Variants in RIMS2 observed in about 807,000 individuals in gnomAD.
The protein encoded by RIMS2 is regulating synaptic membrane exocytosis 2.
In RIMS2, 59 loss-of-function variants were observed where a neutral mutation model predicts 174.4. The ratio of observed to expected loss-of-function variants is 0.34; its 90% CI spans 0.27 to 0.42. The LOEUF is 0.42. Ranked by LOEUF, RIMS2 falls within the 10% of genes least tolerant of loss-of-function variation. RIMS2 has a pLI of 1.00. For missense variants in RIMS2, 1,620 were observed against 1,666.3 expected (o/e 0.97, Z 0.48); for synonymous variants, 606 against 572.5 (o/e 1.06, Z -0.84).
At chr8:103,762,567 G>A (rs1407992618) in intron 2 of RIMS2, among the ~76,000 whole-genome samples, 1 of 152,140 alleles carries the variant, frequency 6.6e-6, no homozygotes, top group Non-Finnish European at 1.5e-5. Context: ...CAACATATAT[G>A]TATTTGTGAG....
At chr8:104,179,454 T>C (rs563848902) in intron 19 of RIMS2, among the ~76,000 whole-genome samples, 57 of 152,070 alleles carry the variant, frequency 3.7e-4, no homozygotes, top group Admixed American at 1.8e-3. Flanking sequence ...TTCTGACCAG[T>C]CTTTACTAAT....
At chr8:103,761,159 ACCCACATTACTTC>A (rs1252210953) in intron 2 of RIMS2, among the ~76,000 whole-genome samples, 51 of 152,302 alleles carry the variant, frequency 3.3e-4, no homozygotes, top group African/African-American at 1.2e-3. Context: ...TTTCAAGCTA[ACCCACATTACTTC>A]ATGGAATGTG....
Position 103,700,313 on chromosome 8 carries a change from A to T in RIMS2, c.387+3017A>T, listed in dbSNP as rs560819803. ...TTTAACAGGCCTCTTTATCATTATT[A>T]AGTGATATTCTTTATTTTTGGTAAT... On this transcript the variant is annotated intron_variant, in intron 2 of 23. Transcript: ENST00000504942. Among the ~76,000 whole-genome samples the T allele has an allele frequency of 5.7e-4, 87 of 152,130 alleles. 1 individual carries two copies. Among genetic ancestry groups the T allele is most frequent in the Non-Finnish European group, 1.0e-3 (71 of 67,936 alleles).
At chr8:103,664,205 G>C (rs1040122947) in intron 1 of RIMS2, among the ~76,000 whole-genome samples, 2 of 152,164 alleles carry the variant, frequency 1.3e-5, no homozygotes, top group African/African-American at 4.8e-5. Flanking sequence ...ATACCATTCA[G>C]GACATAGGCA....
chr8:103,655,869 C>T lies in RIMS2; in HGVS notation c.177-41217C>T, dbSNP rs147149786. Among the ~76,000 whole-genome samples, 28 of 152,028 alleles carry T rather than the reference C, an allele frequency of 1.8e-4. No homozygotes were observed. In the East Asian group the frequency reaches 5.4e-3, roughly 29 times the overall value. On this transcript the variant is annotated intron_variant, in intron 1 of 23. Coordinates refer to ENST00000504942, the Ensembl canonical transcript of RIMS2. The stretch of plus-strand genomic sequence containing the variant: ...AATGATAAGGAGTTTGAATCTGAGT[C>T]TCAGTATACAGGGAAGATATTGAAG...
chr8:103,757,785 C>T (rs920894740), intron 2 of RIMS2, among the ~76,000 whole-genome samples: 2 of 152,094 alleles, frequency 1.3e-5, no homozygotes, highest in South Asian at 2.1e-4. Context: ...GAAGAGAAGG[C>T]GATGTGAAGA....
chr8:103,931,124 A>C (rs2079845418), intron 11 of RIMS2, 139 bp from the exon 14 acceptor site: 1 of 559,924 alleles, frequency 1.8e-6, no homozygotes. Context: ...CTTTTATTTT[A>C]ACTAGCCACA....
At chr8:103,987,929 T>G (rs2094465083) in intron 16 of RIMS2, among the ~76,000 whole-genome samples, 1 of 152,176 alleles carries the variant, frequency 6.6e-6, no homozygotes, top group South Asian at 2.1e-4. Flanking sequence ...GGTAAGGAAT[T>G]AATGAGAGAT....
At chr8:103,739,994 C>T (rs1426610832) in intron 2 of RIMS2, among the ~76,000 whole-genome samples, 1 of 152,112 alleles carries the variant, frequency 6.6e-6, no homozygotes, top group Non-Finnish European at 1.5e-5. Context: ...GATTAAGATG[C>T]ATATTTATAA....
intron 3 of RIMS2, among the ~76,000 whole-genome samples, chr8:103,850,432 G>C (rs1186468059): frequency 6.6e-6 from 1 of 151,970 alleles, no homozygotes; most frequent in East Asian, 1.9e-4. Flanking sequence ...CAGCTCAGTA[G>C]ATTTCCTCTG....
chr8:103,793,738 AG>A (rs2098523571), intron 3 of RIMS2, among the ~76,000 whole-genome samples: 1 of 152,220 alleles, frequency 6.6e-6, no homozygotes, highest in Non-Finnish European at 1.5e-5. Flanking sequence ...GCAAAGTCTC[AG>A]GGTACAAAAT....
chr8:103,657,282 A>G (rs2096542741), intron 1 of RIMS2, among the ~76,000 whole-genome samples: 1 of 152,200 alleles, frequency 6.6e-6, no homozygotes, highest in East Asian at 1.9e-4. Context: ...CTTGTAAGCC[A>G]TCTGGAACAC....
chr8:104,172,611 A>G (rs180783700), intron 19 of RIMS2, among the ~76,000 whole-genome samples: 2 of 152,356 alleles, frequency 1.3e-5, no homozygotes, highest in East Asian at 1.9e-4. Context: ...CACATGATCC[A>G]CAAAGCCTAA....
intron 1 of RIMS2, among the ~76,000 whole-genome samples, chr8:103,509,516 T>C (rs1384172415): frequency 6.6e-6 from 1 of 152,022 alleles, no homozygotes; most frequent in East Asian, 1.9e-4. Flanking sequence ...TTTAGGAAAA[T>C]ATAGAGAGGA....
chr8:103,952,116 G>C (rs184986320), intron 14 of RIMS2, among the ~76,000 whole-genome samples: 1 of 152,302 alleles, frequency 6.6e-6, no homozygotes, highest in African/African-American at 2.4e-5. Context: ...AGGGACTTAC[G>C]GATAAAACCT....
At chr8:103,574,247 C>G (rs1307326982) in intron 1 of RIMS2, among the ~76,000 whole-genome samples, 1 of 152,080 alleles carries the variant, frequency 6.6e-6, no homozygotes, top group Admixed American at 6.6e-5. Flanking sequence ...CCTAGGTTCC[C>G]CCACTTTAGT....
intron 19 of RIMS2, among the ~76,000 whole-genome samples, chr8:104,125,042 C>A (rs1231874857): frequency 1.3e-5 from 2 of 152,036 alleles, no homozygotes; most frequent in African/African-American, 2.4e-5. Flanking sequence ...CAGCAGACTA[C>A]CACCCAGAAA....
intron 1 of RIMS2, among the ~76,000 whole-genome samples, chr8:103,691,657 A>G (rs1413626180): frequency 3.9e-5 from 6 of 152,130 alleles, no homozygotes; most frequent in Non-Finnish European, 5.9e-5. Flanking sequence ...TAAAAGACAT[A>G]TATTTCTGTC....
intron 2 of RIMS2, among the ~76,000 whole-genome samples, chr8:103,717,865 CACA>C (rs1389594336): frequency 6.6e-6 from 1 of 152,144 alleles, no homozygotes; most frequent in Non-Finnish European, 1.5e-5. Context: ...AGGTTCTAGT[CACA>C]TATAGCTAGC....
Sources: allele counts gnomAD v4.1 joint callset (sites outside exome capture counted in the v4.1 genomes callset), GRCh38; gene constraint gnomAD v4.1.1; transcripts MANE v1.5; gene names NCBI Gene and HGNC (gene_info 2026-07-23, HGNC 2026-07-21).